Variants in PDE7B observed in about 807,000 individuals in gnomAD.
PDE7B encodes the protein 3',5'-cyclic-AMP phosphodiesterase 7B.
PDE7B carries 29 observed loss-of-function variants against 56.2 expected under a neutral mutation model. That is an observed-to-expected ratio of 0.52 (90% CI 0.38 to 0.70). PDE7B has a LOEUF of 0.70. Among genes scored for constraint, PDE7B ranks in the 30% least tolerant of loss-of-function variants. PDE7B has a pLI of 0.00. For synonymous variants in PDE7B, 197 were observed against 196.9 expected, an observed-to-expected ratio of 1.00 and a Z score of 0.00; for missense variants, 490 against 565.0, an observed-to-expected ratio of 0.87 and a Z score of 1.35.
chr6:135,979,170 A>G (rs1470042848), intron 2 of PDE7B, among the ~76,000 whole-genome samples: 22 of 151,310 alleles, frequency 1.5e-4, no homozygotes, highest in African/African-American at 3.9e-4. Flanking sequence ...TTTATATGCT[A>G]GATTACATTT....
chr6:136,140,038 T>C (rs1298087296), intron 3 of PDE7B, among the ~76,000 whole-genome samples: 2 of 151,964 alleles, frequency 1.3e-5, no homozygotes, highest in African/African-American at 4.8e-5. Flanking sequence ...GACATGAAGT[T>C]CTTGCCCATG....
intron 12 of PDE7B, among the ~76,000 whole-genome samples, chr6:136,191,093 T>G (rs1779217277): frequency 6.7e-6 from 1 of 149,752 alleles, no homozygotes; most frequent in Non-Finnish European, 1.5e-5. Context: ...GGGAGTTTAC[T>G]ATGTGCCAAG....
rs1295343859 is a variant in PDE7B at position 135,851,863 on chromosome 6, T to C, written c.-136T>C. Reference sequence around the variant, plus strand: ...TATTTCTTTTCCTTTTTTTTCTTTTTTTTTTTTTGTTACTTAATTATATTC... The same window carrying C: ...TATTTCTTTTCCTTTTTTTTCTTTTCTTTTTTTTGTTACTTAATTATATTC... On this transcript the variant is annotated 5_prime_UTR_variant, in exon 1 of 13. Transcript: ENST00000308191. The C allele has an allele frequency of 3.3e-6, 2 of 597,366 alleles. No individual in the cohort carries two copies. The highest frequency in any genetic ancestry group is 6.0e-6 in the Non-Finnish European group (2 of 335,358). 37.0% of individuals were successfully genotyped at this position (597,366 alleles called of 1,614,324 possible).
intron 1 of PDE7B, among the ~76,000 whole-genome samples, chr6:135,862,899 A>T (rs557040122): frequency 1.3e-5 from 2 of 151,904 alleles, no homozygotes; most frequent in Admixed American, 1.3e-4. Flanking sequence ...GACAATTTCA[A>T]TTATAATTTG....
In PDE7B at chr6:136,132,283, C is replaced by T. The variant is rs191806722; in HGVS notation, c.167-15068C>T. On this transcript the variant is annotated intron_variant, in intron 3 of 12. Coordinates refer to ENST00000308191, the MANE Select transcript of PDE7B (RefSeq NM_018945.4). The stretch of plus-strand genomic sequence containing the variant: ...TTTACTATACCTTTTTTTTAAAGTA[C>T]CAAAACTTTAAATCCTTTGGGTGCT... 1.9e-3 allele frequency among the ~76,000 whole-genome samples: 292 copies of T among 151,960 alleles called. 2 individuals carry two copies. Among genetic ancestry groups the T allele is most frequent in the African/African-American group, 6.7e-3 (276 of 41,420 alleles).
At chr6:135,873,352 G>T (rs1056604879) in intron 1 of PDE7B, among the ~76,000 whole-genome samples, 1 of 152,032 alleles carries the variant, frequency 6.6e-6, no homozygotes, top group Non-Finnish European at 1.5e-5. Flanking sequence ...TTGTCTCCAG[G>T]TTTTGCAAAC....
chr6:136,155,579 T>A (rs1778589564), intron 7 of PDE7B, 48 bp from the exon 8 acceptor site: 1 of 1,538,210 alleles, frequency 6.5e-7, no homozygotes, highest in Non-Finnish European at 8.8e-7. Flanking sequence ...ATTATGAGCC[T>A]ATTTGTGAAA....
chr6:136,150,094 T>C (rs1180846009), intron 5 of PDE7B, among the ~76,000 whole-genome samples: 1 of 152,160 alleles, frequency 6.6e-6, no homozygotes, highest in Admixed American at 6.5e-5. Context: ...CTCATAGACA[T>C]ATGAAATGAC....
intron 2 of PDE7B, among the ~76,000 whole-genome samples, chr6:135,973,631 A>T (rs187508281): frequency 9.4e-4 from 143 of 152,236 alleles, no homozygotes; most frequent in African/African-American, 3.3e-3. Context: ...CCTCACCAAC[A>T]TTTGTTGTCT....
chr6:135,980,194 G>T (rs1775270834), intron 2 of PDE7B, among the ~76,000 whole-genome samples: 1 of 152,134 alleles, frequency 6.6e-6, no homozygotes, highest in Non-Finnish European at 1.5e-5. Flanking sequence ...ATGAGGAAAG[G>T]ATTCCCTATT....
At chr6:136,119,736 G>A (rs929275647) in intron 3 of PDE7B, among the ~76,000 whole-genome samples, 11 of 152,134 alleles carry the variant, frequency 7.2e-5, no homozygotes, top group African/African-American at 2.7e-4. Flanking sequence ...CAAAAAACAG[G>A]CCAAGTGATT....
chr6:135,899,286 TTAATAA>T (rs573541655), intron 1 of PDE7B, among the ~76,000 whole-genome samples: 5 of 152,032 alleles, frequency 3.3e-5, no homozygotes, highest in Admixed American at 1.3e-4. Context: ...AACGTTCATC[TTAATAA>T]TAATAAGACG....
At position 136,156,162 on chromosome 6, in the gene PDE7B, A is replaced by AGTGTGTGTGTGTGTGTGTGTGTGTGT. The variant is rs10625572; in HGVS notation, c.711+419_711+444dup. The AGTGTGTGTGTGTGTGTGTGTGTGTGT allele has an allele frequency of 7.1e-5, 18 of 252,084 alleles. 2 individuals carry two copies. The highest frequency in any genetic ancestry group is 5.4e-4 in the Admixed American group (11 of 20,502). The allele number at this position is 252,084 out of a possible 1,614,324, so 15.6% of individuals were successfully genotyped here. A position where few individuals can be genotyped will look rare whatever the true frequency, so the allele number is the denominator to read the frequency against. The stretch of plus-strand genomic sequence containing the variant: ...AGGAAAGAGAAGAGAGAATGATCCA[A>AGTGTGTGTGTGTGTGTGTGTGTGTGT]GTGTGTGTGTGTGTGTGTGTGTGTG... On this transcript the variant is annotated intron_variant, in intron 8 of 12. Coordinates refer to ENST00000308191, the MANE Select transcript of PDE7B (RefSeq NM_018945.4).
intron 2 of PDE7B, among the ~76,000 whole-genome samples, chr6:136,022,151 G>A (rs531176188): frequency 2.0e-5 from 3 of 152,258 alleles, no homozygotes; most frequent in South Asian, 2.1e-4. Flanking sequence ...CAGCTGAAAC[G>A]TCACTTACTT....
chr6:135,988,105 G>C (rs1056438529), intron 2 of PDE7B, among the ~76,000 whole-genome samples: 3 of 152,050 alleles, frequency 2.0e-5, no homozygotes, highest in African/African-American at 7.3e-5. Flanking sequence ...AAATTAATTG[G>C]GCAATGTTCT....
chr6:136,089,152 TAGG>T (rs1777342936), intron 2 of PDE7B, among the ~76,000 whole-genome samples: 2 of 152,314 alleles, frequency 1.3e-5, no homozygotes, highest in South Asian at 4.1e-4. Flanking sequence ...ACCTCAGTCC[TAGG>T]AGAACTGTGA....
intron 2 of PDE7B, among the ~76,000 whole-genome samples, chr6:136,009,563 T>C (rs906682592): frequency 4.6e-5 from 7 of 152,162 alleles, no homozygotes; most frequent in Non-Finnish European, 1.0e-4. Flanking sequence ...CCCTTGTAAG[T>C]TGGATTCCTA....
chr6:135,945,068 C>G (rs2327662), intron 1 of PDE7B, among the ~76,000 whole-genome samples: 1 of 66,236 alleles, frequency 1.5e-5, no homozygotes, highest in Non-Finnish European at 3.6e-5. Flanking sequence ...AACACTTTCA[C>G]TTTAATCACT....
intron 2 of PDE7B, among the ~76,000 whole-genome samples, chr6:136,020,423 G>T (rs868198734): frequency 1.3e-5 from 2 of 151,800 alleles, no homozygotes; most frequent in African/African-American, 2.4e-5. Flanking sequence ...ATTTACATAC[G>T]CATATGTTAT....
Sources: allele counts gnomAD v4.1 joint callset (sites outside exome capture counted in the v4.1 genomes callset), GRCh38; gene constraint gnomAD v4.1.1; transcripts MANE v1.5; gene names NCBI Gene and HGNC (gene_info 2026-07-23, HGNC 2026-07-21).